The following RAPH1 variants were observed in gnomAD, a reference collection of about 807,000 sequenced individuals.
The protein encoded by RAPH1 is Ras association (RalGDS/AF-6) and pleckstrin homology domains 1, also known as ras-associated and pleckstrin homology domains-containing protein 1.
A neutral mutation model predicts 88.1 loss-of-function variants in RAPH1; 18 were observed. That is an observed-to-expected ratio of 0.20 (90% CI 0.14 to 0.30). The LOEUF (loss-of-function observed/expected upper bound fraction) is 0.30. Ranked by LOEUF, RAPH1 falls within the 10% of genes least tolerant of loss-of-function variation. RAPH1 has a pLI of 1.00. For synonymous variants in RAPH1, 587 were observed against 559.0 expected (o/e 1.05, Z -0.71); for missense variants, 1,448 against 1,543.2 (o/e 0.94, Z 1.03).
At position 203,438,962 on chromosome 2, in the gene RAPH1, T is replaced by C. The variant is rs2153632389; in HGVS notation, c.*475A>G. 6.4e-6 allele frequency: 1 copy of C among 156,052 alleles called. No individual in the cohort carries two copies. Among genetic ancestry groups the C allele is most frequent in the Admixed American group, 6.2e-5 (1 of 16,072 alleles). 9.7% of individuals were successfully genotyped at this position (156,052 alleles called of 1,614,324 possible). The stretch of plus-strand genomic sequence containing the variant: ...AGATACACCAAACATTCTGGTGATT[T>C]TTCTCAACCAGAAATAGCACATTCT... On this transcript the variant is annotated 3_prime_UTR_variant, in exon 14 of 14. Coordinates refer to ENST00000319170, the MANE Select transcript of RAPH1 (RefSeq NM_213589.3).
At position 203,447,986 on chromosome 2, in the gene RAPH1, A is replaced by C. The variant is rs765332183; in HGVS notation, c.1606T>G (p.Ser536Ala). 3 of 1,613,960 alleles carry C rather than the reference A, an allele frequency of 1.9e-6. No homozygotes were observed. ...WTSLSSSSIK[S>A]GSSSSSIPES... The stretch of plus-strand genomic sequence containing the variant: ...GGGATGCTGGAAGAACTGGATCCCG[A>C]TTTAATGCTGGAGCTGGATAAGGAA... Residue 536 changes from serine (S) to alanine (A), a missense_variant, in exon 12 of 14, where the codon TCG becomes GCG. Transcript: ENST00000319170.
At chr2:203,481,282 T>C (rs1197933241) in intron 4 of RAPH1, among the ~76,000 whole-genome samples, 1 of 152,116 alleles carries the variant, frequency 6.6e-6, no homozygotes, top group Admixed American at 6.6e-5. Flanking sequence ...AACCAGTATG[T>C]TTGGGTTCAA....
chr2:203,448,829 T>A lies in RAPH1; in HGVS notation c.1421A>T (p.Gln474Leu). The change falls in exon 11 of 14, where the codon CAA becomes CTA. Residue 474 changes from glutamine (Q) to leucine (L), a missense_variant. Physicochemically the swap from Gln to Leu is moderately radical, Grantham distance 113 (BLOSUM62 -2). Around this residue, in one of 2 missense-constraint regions of RAPH1, gnomAD observed 513 missense variants for 653.1 expected, o/e 0.79. Transcript: ENST00000319170. This position sits in a 1 kb window ranked among gnomAD's most constrained non-coding sequence, Gnocchi z 4.1. ...GATATATTGAGATTTCTTCTGGATT[T>A]GTGGATGCTGCAAGATTAAAGACAA... ...TDYCLVLKHP[Q>L]IQKKSQYIKY... 1 of 1,606,644 alleles carries A rather than the reference T, an allele frequency of 6.2e-7. No homozygotes were observed. Among genetic ancestry groups the A allele is most frequent in the South Asian group, 1.1e-5 (1 of 89,466 alleles).
intron 3 of RAPH1, 90 bp downstream of exon 3, chr2:203,491,124 G>C: frequency 1.5e-6 from 1 of 682,198 alleles, no homozygotes; most frequent in Non-Finnish European, 2.4e-6. Context: ...CTTTTATATC[G>C]AGTTTTTATA....
intron 4 of RAPH1, 103 bp downstream of exon 4, chr2:203,489,480 AT>A (rs1272718937): frequency 1.1e-5 from 10 of 888,286 alleles, no homozygotes; most frequent in Non-Finnish European, 1.4e-5. Flanking sequence ...TCTTTGACAA[AT>A]TATAAATGTA....
At chr2:203,460,103 T>C (rs1559461064) in intron 6 of RAPH1, 75 bp from the exon 7 acceptor site, 4 of 1,317,114 alleles carry the variant, frequency 3.0e-6, no homozygotes, top group South Asian at 1.3e-5. Context: ...CTTTGTGAAG[T>C]AGTTAACCTC....
intron 4 of RAPH1, among the ~76,000 whole-genome samples, chr2:203,474,278 A>G (rs2098535536): frequency 6.6e-6 from 1 of 152,168 alleles, no homozygotes; most frequent in East Asian, 1.9e-4. Context: ...AATGAAGAGG[A>G]GAGGGAGAGT....
At chr2:203,529,291 C>T (rs1482260961) in intron 1 of RAPH1, among the ~76,000 whole-genome samples, 10 of 151,328 alleles carry the variant, frequency 6.6e-5, no homozygotes. Context: ...CTGATTTAAC[C>T]TAATACTTTT....
chr2:203,449,607 T>A (rs1199739606), intron 10 of RAPH1, among the ~76,000 whole-genome samples: 1 of 152,208 alleles, frequency 6.6e-6, no homozygotes, highest in South Asian at 2.1e-4. Flanking sequence ...AGAAAAGCCC[T>A]AAATCACACT....
In RAPH1 at chr2:203,509,241, T is replaced by C. The variant is rs552466509; in HGVS notation, c.1-13888A>G. Among the ~76,000 whole-genome samples, 6 of 152,098 alleles carry C rather than the reference T, an allele frequency of 3.9e-5. No homozygotes were observed. In the South Asian group the frequency reaches 1.2e-3, roughly 32 times the overall value. The stretch of plus-strand genomic sequence containing the variant: ...GCACACCACCACACCTGACTAATTT[T>C]TGTATTTTTATAGAGATGAGATTTT... On this transcript the variant is annotated intron_variant, in intron 1 of 13. Transcript: ENST00000319170.
At chr2:203,485,495 G>C (rs1221807551) in intron 4 of RAPH1, among the ~76,000 whole-genome samples, 1 of 151,632 alleles carries the variant, frequency 6.6e-6, no homozygotes, top group East Asian at 1.9e-4. Flanking sequence ...ATTCATTCAT[G>C]GACAGTCTTC....
rs1685772737 is a variant in RAPH1, at chr2:203,439,802, T to C, written c.3388A>G (p.Ser1130Gly). ...ATCTCAGCTTGAGTGAGGCGGGTGCTATCATTCCGTTTGGGTCGTGTGGGT... is the reference window on the plus strand; with the variant it reads ...ATCTCAGCTTGAGTGAGGCGGGTGCCATCATTCCGTTTGGGTCGTGTGGGT... Reference protein sequence around the residue: ...PPPTRPKRNDSTRLTQAEISE... With the variant: ...PPPTRPKRNDGTRLTQAEISE... The change falls in exon 14 of 14, where the codon AGC (serine) becomes GGC (glycine). Residue 1130 changes from serine (S) to glycine (G), a missense_variant. Ser to Gly is a moderately conservative substitution (Grantham distance 56, BLOSUM62 0). Coordinates refer to ENST00000319170, the MANE Select transcript of RAPH1 (RefSeq NM_213589.3). The C allele has an allele frequency of 6.2e-7, 1 of 1,614,092 alleles. No individual in the cohort carries two copies. The highest frequency in any genetic ancestry group is 1.1e-5 in the South Asian group (1 of 91,076).
Position 203,439,430 on chromosome 2 carries a change from A to G in RAPH1, c.*7T>C, listed in dbSNP as rs2153632557. ...ACAGATATCATGAAAATAAAGTCCT[A>G]TGGTGGCTACCAGTCTCTGGAGAGC... On this transcript the variant is annotated 3_prime_UTR_variant, in exon 14 of 14. Transcript: ENST00000319170. The G allele has an allele frequency of 3.1e-6, 5 of 1,611,724 alleles. No homozygotes were observed. Among genetic ancestry groups the G allele is most frequent in the Non-Finnish European group, 4.2e-6 (5 of 1,178,286 alleles).
intron 12 of RAPH1, 61 bp downstream of exon 12, chr2:203,447,898 C>T (rs1373031359): frequency 1.9e-6 from 3 of 1,539,576 alleles, no homozygotes; most frequent in African/African-American, 2.7e-5. Context: ...GGTCTACTAT[C>T]AGTCTCTACA....
intron 7 of RAPH1, among the ~76,000 whole-genome samples, chr2:203,459,326 C>CT (rs1559460365): frequency 6.6e-6 from 1 of 152,130 alleles, no homozygotes; most frequent in African/African-American, 2.4e-5. Flanking sequence ...TTCATTACTA[C>CT]TTTTTATTGT....
intron 13 of RAPH1, chr2:203,443,481 G>A (rs2098506172): frequency 6.6e-6 from 1 of 152,014 alleles, no homozygotes; most frequent in Admixed American, 6.6e-5. Flanking sequence ...CCTAATTATA[G>A]TCTTGCAATA....
At chr2:203,451,479 C>T (rs1326522408) in intron 10 of RAPH1, among the ~76,000 whole-genome samples, 1 of 152,030 alleles carries the variant, frequency 6.6e-6, no homozygotes, top group African/African-American at 2.4e-5. Context: ...AAAATGTGCC[C>T]CTTTGAATCT....
intron 10 of RAPH1, among the ~76,000 whole-genome samples, chr2:203,453,825 T>C (rs1269064863): frequency 1.3e-5 from 2 of 152,084 alleles, no homozygotes; most frequent in South Asian, 2.1e-4. Context: ...AGTGTTCTAA[T>C]AGATCACTAT....
chr2:203,489,966 G>C lies in RAPH1; in HGVS notation c.350C>G (p.Ala117Gly), dbSNP rs1688178658. The C allele has an allele frequency of 6.2e-7, 1 of 1,614,210 alleles. No homozygotes were observed. The highest frequency in any genetic ancestry group is 1.3e-5 in the African/African-American group (1 of 75,066). ...TCGGCTAACAGGCAATTTCTGAGTA[G>C]CTTTCGTTTCTGTGATTTGACGCTT... ...NSKRQITETKATQKLPVSRHT... is the reference protein window; with the variant it reads ...NSKRQITETKGTQKLPVSRHT... The change falls in exon 4 of 14, where the codon GCT (alanine) becomes GGT (glycine). Residue 117 changes from alanine to glycine, a missense_variant. Physicochemically the swap from Ala to Gly is moderately conservative, Grantham distance 60 (BLOSUM62 0). This residue lies in a region of RAPH1 where 513 missense variants were observed against 653.1 expected (regional missense o/e 0.79). Coordinates refer to ENST00000319170, the MANE Select transcript of RAPH1 (RefSeq NM_213589.3).
Sources: gnomAD v4.1 joint callset for allele counts (sites outside exome capture counted in the v4.1 genomes callset) on GRCh38, gnomAD v4.1.1 for gene constraint, gnomAD v4.1.1 regional missense constraint, Gnocchi (gnomAD v3.1) non-coding constraint, MANE v1.5 for transcripts, NCBI Gene and HGNC (gene_info 2026-07-23, HGNC 2026-07-21) for gene names.